The following PCDH15 variants were observed in gnomAD, a reference collection of about 807,000 sequenced individuals.
PCDH15 encodes the protein protocadherin-15.
A neutral mutation model predicts 178.5 loss-of-function variants in PCDH15; 129 were observed. That is an observed-to-expected ratio of 0.72 (90% CI 0.63 to 0.84). The LOEUF (loss-of-function observed/expected upper bound fraction) is 0.84. PCDH15 is among the 40% of genes least tolerant of loss of function. PCDH15 has a pLI of 0.00. For synonymous variants in PCDH15, 800 were observed against 732.0 expected (o/e 1.09, Z -1.50); for missense variants, 2,230 against 2,099.9 (o/e 1.06, Z -1.21).
intron 2 of PCDH15, among the ~76,000 whole-genome samples, chr10:55,528,641 G>A (rs557051565): frequency 1.3e-5 from 2 of 152,200 alleles, no homozygotes; most frequent in Non-Finnish European, 1.5e-5. Flanking sequence ...GGACATTTGG[G>A]TTGGTTCCAA....
chr10:55,543,834 T>C (rs1841817183), intron 2 of PCDH15, among the ~76,000 whole-genome samples: 1 of 151,762 alleles, frequency 6.6e-6, no homozygotes, highest in Admixed American at 6.6e-5. Context: ...CAAAGTCTTA[T>C]GTTTACTTTC....
At chr10:54,523,654 CCAAAATATTTT>C (rs2138309031) in intron 3 of PCDH15, among the ~76,000 whole-genome samples, 1 of 152,100 alleles carries the variant, frequency 6.6e-6, no homozygotes, top group East Asian at 1.9e-4. Context: ...TATTTTAAGT[CCAAAATATTTT>C]CAAGATAGTT....
At position 54,170,644 on chromosome 10, in the gene PCDH15, C is replaced by T. The variant is rs546142314; in HGVS notation, c.1590+12800G>A. On this transcript the variant is annotated intron_variant, in intron 13 of 37. Coordinates refer to ENST00000644397, the MANE Select transcript of PCDH15 (RefSeq NM_001384140.1). ...ACATTATTCCTGATACCACACCTGACCCCCATGACTGTATCCCTCTGATCC... is the reference window on the plus strand; with the variant it reads ...ACATTATTCCTGATACCACACCTGATCCCCATGACTGTATCCCTCTGATCC... Among the ~76,000 whole-genome samples, 834 of 151,508 alleles carry T rather than the reference C, an allele frequency of 5.5e-3. 4 individuals carry two copies. Among genetic ancestry groups the T allele is most frequent in the Non-Finnish European group, 8.6e-3 (584 of 67,776 alleles).
intron 2 of PCDH15, among the ~76,000 whole-genome samples, chr10:55,486,401 T>C (rs1368206529): frequency 6.6e-6 from 1 of 151,712 alleles, no homozygotes; most frequent in Non-Finnish European, 1.5e-5. Flanking sequence ...AACATATGTA[T>C]TCTTCAAATC....
chr10:54,484,371 A>C (rs1278442201), intron 3 of PCDH15, among the ~76,000 whole-genome samples: 1 of 151,944 alleles, frequency 6.6e-6, no homozygotes, highest in Non-Finnish European at 1.5e-5. Context: ...AATGCTGTTC[A>C]ACCTTTAATA....
intron 17 of PCDH15, among the ~76,000 whole-genome samples, chr10:54,078,544 A>T (rs977729451): frequency 1.2e-4 from 18 of 152,168 alleles, no homozygotes; most frequent in Non-Finnish European, 2.4e-4. Context: ...TGGGTTTGAA[A>T]TTATTTCTAG....
At chr10:54,981,494 G>T (rs1478682957) in intron 2 of PCDH15, among the ~76,000 whole-genome samples, 2 of 152,090 alleles carry the variant, frequency 1.3e-5, no homozygotes, top group Non-Finnish European at 2.9e-5. Flanking sequence ...ACAGAAGTCA[G>T]CACCTGCCAA....
At chr10:55,005,226 A>AATCATAATAATAATAATCATC (rs1554822291) in intron 2 of PCDH15, among the ~76,000 whole-genome samples, 1 of 146,522 alleles carries the variant, frequency 6.8e-6, no homozygotes. Flanking sequence ...TAATAATAAT[A>AATCATAATAATAATAATCATC]ATCAATGGAG....
intron 1 of PCDH15, among the ~76,000 whole-genome samples, chr10:54,734,486 A>G (rs1448646544): frequency 6.6e-6 from 1 of 151,808 alleles, no homozygotes; most frequent in East Asian, 1.9e-4. Flanking sequence ...AACTTTGGAA[A>G]ATAGTCTGCC....
intron 2 of PCDH15, among the ~76,000 whole-genome samples, chr10:55,094,558 A>G (rs1842400818): frequency 6.6e-6 from 1 of 152,108 alleles, no homozygotes; most frequent in African/African-American, 2.4e-5. Context: ...TAAATTAAAA[A>G]AAATTAGGTA....
intron 8 of PCDH15, among the ~76,000 whole-genome samples, chr10:54,296,627 A>G (rs2059809697): frequency 6.6e-6 from 1 of 152,092 alleles, no homozygotes; most frequent in Non-Finnish European, 1.5e-5. Context: ...AGGCTCACCA[A>G]TCAGAAAGAC....
chr10:54,556,958 C>A (rs2087365047), intron 2 of PCDH15, among the ~76,000 whole-genome samples: 1 of 151,918 alleles, frequency 6.6e-6, no homozygotes, highest in African/African-American at 2.4e-5. Context: ...TATCTTAGAT[C>A]TTTTTACCAA....
At chr10:54,915,516 T>G (rs1912986) in intron 2 of PCDH15, among the ~76,000 whole-genome samples, 150,659 of 152,270 alleles carry the variant, frequency 0.99, 74,548 homozygotes, top group East Asian at 1. Context: ...CATATAAAAT[T>G]AGAATTCATA....
chr10:55,519,220 C>G (rs1426394877), intron 2 of PCDH15, among the ~76,000 whole-genome samples: 4 of 149,148 alleles, frequency 2.7e-5, no homozygotes, highest in African/African-American at 1.0e-4. Flanking sequence ...GAAAACCCAC[C>G]CTTCATGTTT....
chr10:55,003,840 T>A (rs1382791268), intron 2 of PCDH15, among the ~76,000 whole-genome samples: 1 of 152,188 alleles, frequency 6.6e-6, no homozygotes, highest in Non-Finnish European at 1.5e-5. Context: ...TGTGGTTAAG[T>A]TGACAATTTC....
At chr10:55,045,763 C>A (rs902975501) in intron 2 of PCDH15, among the ~76,000 whole-genome samples, 3 of 151,766 alleles carry the variant, frequency 2.0e-5, no homozygotes, top group African/African-American at 7.3e-5. Flanking sequence ...AGCATTTTCA[C>A]AAAAAAGTAA....
intron 3 of PCDH15, among the ~76,000 whole-genome samples, chr10:54,398,333 T>TGA (rs1589213666): frequency 6.6e-6 from 1 of 151,894 alleles, no homozygotes; most frequent in East Asian, 1.9e-4. Context: ...TAAATCAAAA[T>TGA]TTGTGAAAAA....
chr10:55,405,723 A>G (rs1371687199), intron 2 of PCDH15, among the ~76,000 whole-genome samples: 1 of 152,044 alleles, frequency 6.6e-6, no homozygotes. Flanking sequence ...CATCTACCAT[A>G]AAAGTATTTT....
intron 13 of PCDH15, among the ~76,000 whole-genome samples, chr10:54,159,243 G>A (rs4285791): frequency 0.32 from 47,908 of 151,888 alleles, 8,161 homozygotes; most frequent in African/African-American, 0.44. Flanking sequence ...GGGAGCAATT[G>A]GCAAAAAAAC....
Sources: allele counts gnomAD v4.1 joint callset (sites outside exome capture counted in the v4.1 genomes callset), GRCh38; gene constraint gnomAD v4.1.1; transcripts MANE v1.5; gene names NCBI Gene and HGNC (gene_info 2026-07-23, HGNC 2026-07-21).